RANBP2: variants seen among roughly 807,000 people sequenced by gnomAD.
RANBP2 encodes RAN binding protein 2, also known as E3 SUMO-protein ligase RanBP2.
Under a neutral mutation model 303.6 loss-of-function variants are expected in RANBP2, and 57 were observed. The observed-to-expected ratio is 0.19, with a 90% CI of 0.15 to 0.23. The LOEUF is 0.23. Ranked by LOEUF, RANBP2 falls within the 10% of genes least tolerant of loss-of-function variation. The pLI, the probability that RANBP2 is intolerant of heterozygous loss-of-function variation, is 1.00. For synonymous variants in RANBP2, 1,167 were observed against 1,301.5 expected, an observed-to-expected ratio of 0.90 and a Z score of 2.23; for missense variants, 3,138 against 3,780.8, an observed-to-expected ratio of 0.83 and a Z score of 4.46.
At chr2:108,935,831 C>G in the RANBP2 span, among the ~76,000 whole-genome samples, 1 of 152,228 alleles carries the variant, frequency 6.6e-6, no homozygotes, top group African/African-American at 2.4e-5. Context: ...GGGAGCCAGA[C>G]ATGGAAGACA....
chr2:109,043,699 G>C, the RANBP2 span, among the ~76,000 whole-genome samples: 2 of 152,322 alleles, frequency 1.3e-5, no homozygotes, highest in South Asian at 4.2e-4. Flanking sequence ...TGGTAGAGAA[G>C]ACACACATCA....
At chr2:108,868,423 A>T in the RANBP2 span, among the ~76,000 whole-genome samples, 1 of 152,222 alleles carries the variant, frequency 6.6e-6, no homozygotes, top group African/African-American at 2.4e-5. Context: ...GTGACTCAAC[A>T]AAAGCACTGA....
the RANBP2 span, among the ~76,000 whole-genome samples, chr2:108,950,629 G>C: frequency 6.6e-6 from 1 of 152,182 alleles, no homozygotes; most frequent in Non-Finnish European, 1.5e-5. Context: ...CATTCTGGAC[G>C]TGACACACAG....
chr2:109,201,934 T>TA, the RANBP2 span, among the ~76,000 whole-genome samples: 2 of 152,284 alleles, frequency 1.3e-5, no homozygotes, highest in Admixed American at 6.5e-5. Context: ...CGTGGCATCA[T>TA]AAAAAAACTG....
At chr2:109,605,431 C>T in the RANBP2 span, 1 of 152,116 alleles carries the variant, frequency 6.6e-6, no homozygotes, top group Admixed American at 6.6e-5. Flanking sequence ...GATCGTACCA[C>T]TGCACTCTAC....
chr2:109,073,512 CA>C, the RANBP2 span, among the ~76,000 whole-genome samples: 1 of 150,032 alleles, frequency 6.7e-6, no homozygotes, highest in East Asian at 1.9e-4. Context: ...ACTAAAAATA[CA>C]AAAAAATTAG....
the RANBP2 span, among the ~76,000 whole-genome samples, chr2:109,338,123 C>T: frequency 2.4e-4 from 37 of 152,278 alleles, no homozygotes; most frequent in Admixed American, 9.1e-4. Context: ...CTGGTAGCTT[C>T]CCGAGTCGGA....
chr2:109,603,310 C>T, the RANBP2 span, among the ~76,000 whole-genome samples: 1 of 152,010 alleles, frequency 6.6e-6, no homozygotes, highest in African/African-American at 2.4e-5. Flanking sequence ...TCTCGGCTCA[C>T]TGCAAGCCCC....
At chr2:109,471,089 A>C in the RANBP2 span, among the ~76,000 whole-genome samples, 4 of 151,232 alleles carry the variant, frequency 2.6e-5, no homozygotes, top group Non-Finnish European at 4.4e-5. Context: ...GTGTGTTGGC[A>C]GGTGCCTCTA....
the RANBP2 span, among the ~76,000 whole-genome samples, chr2:109,602,681 A>G: frequency 1.6e-5 from 2 of 127,160 alleles, no homozygotes; most frequent in African/African-American, 2.7e-5. Context: ...ATCTCAAATT[A>G]AAAAAAAAAA....
At chr2:109,078,098 A>AGGCG in the RANBP2 span, among the ~76,000 whole-genome samples, 10 of 60,068 alleles carry the variant, frequency 1.7e-4, 3 homozygotes, top group African/African-American at 7.7e-4. Context: ...ATATATATAT[A>AGGCG]TATATATATA....
the RANBP2 span, among the ~76,000 whole-genome samples, chr2:109,428,461 C>A: frequency 6.6e-6 from 1 of 152,236 alleles, no homozygotes; most frequent in Admixed American, 6.5e-5. Context: ...TCAGCCGAGT[C>A]GGCCCAGCCG....
the RANBP2 span, among the ~76,000 whole-genome samples, chr2:109,671,188 A>C: frequency 6.6e-6 from 1 of 152,130 alleles, no homozygotes; most frequent in Admixed American, 6.5e-5. Context: ...TGGATATTGG[A>C]GGCTGGAGGC....
At chr2:109,737,424 G>A in the RANBP2 span, 4 of 652,818 alleles carry the variant, frequency 6.1e-6, no homozygotes, top group Non-Finnish European at 8.2e-6. Context: ...CAGCATCCAC[G>A]ATTCCATCTT....
chr2:108,758,349 G>A (rs1483953009), intron 17 of RANBP2, 64 bp from the exon 18 acceptor site: 83 of 1,602,384 alleles, frequency 5.2e-5, no homozygotes, highest in Non-Finnish European at 7.0e-5. Flanking sequence ...AGTTTCCCCA[G>A]CACTGTTTCT....
the RANBP2 span, among the ~76,000 whole-genome samples, chr2:109,430,408 GCCTT>G: frequency 3.9e-5 from 6 of 152,004 alleles, no homozygotes; most frequent in African/African-American, 1.4e-4. Context: ...CTCCTCTTCT[GCCTT>G]CCTTTGCCTC....
At chr2:109,259,443 C>T in the RANBP2 span, among the ~76,000 whole-genome samples, 5 of 152,314 alleles carry the variant, frequency 3.3e-5, no homozygotes, top group African/African-American at 7.2e-5. Context: ...GGTTGTGTGA[C>T]GGTGGTGCAT....
the RANBP2 span, among the ~76,000 whole-genome samples, chr2:109,146,429 C>A: frequency 6.6e-6 from 1 of 152,220 alleles, no homozygotes; most frequent in Non-Finnish European, 1.5e-5. Context: ...GTGGAGTCTT[C>A]TTGCATCAAT....
Position 108,763,265 on chromosome 2 carries a change from C to T in RANBP2, c.2726C>T (p.Pro909Leu). 2.5e-6 allele frequency: 4 copies of T among 1,613,712 alleles called. No individual in the cohort carries two copies. Among genetic ancestry groups the T allele is most frequent in the Admixed American group, 1.7e-5 (1 of 59,998 alleles). Residue 909 changes from proline (P) to leucine (L), a missense_variant, in exon 20 of 29, where the codon CCA (proline) becomes CTA (leucine). This residue lies in a region of RANBP2 where 403 missense variants were observed against 376.7 expected (regional missense o/e 1.07). Coordinates refer to ENST00000283195, the MANE Select transcript of RANBP2 (RefSeq NM_006267.5). ...CCAGTCTATGGCATGAATAGGCTTC[C>T]ACCCCAACAGCATATTTATGCCTAT... ...KGPVYGMNRL[P>L]PQQHIYAYPQ...
Sources: allele counts gnomAD v4.1 joint callset (sites outside exome capture counted in the v4.1 genomes callset), GRCh38; gene constraint gnomAD v4.1.1; regional missense constraint gnomAD v4.1.1; transcripts MANE v1.5; gene names NCBI Gene and HGNC (gene_info 2026-07-23, HGNC 2026-07-21).